CDH18: variants seen among roughly 807,000 people sequenced by gnomAD.
CDH18 encodes cadherin 18.
CDH18 carries 31 observed loss-of-function variants against 67.9 expected under a neutral mutation model. That is an observed-to-expected ratio of 0.46 (90% confidence interval 0.34 to 0.62). The LOEUF (loss-of-function observed/expected upper bound fraction) is 0.62, where lower values mean the gene tolerates loss of function less well. CDH18 is among the 20% of genes least tolerant of loss of function. The pLI is 0.01. For missense variants in CDH18, 890 were observed against 975.5 expected, an observed-to-expected ratio of 0.91 and a Z score of 1.17; for synonymous variants, 362 against 347.2, an observed-to-expected ratio of 1.04 and a Z score of -0.48.
chr5:19,628,947 G>A (rs2121488), intron 5 of CDH18, among the ~76,000 whole-genome samples: 85,634 of 151,564 alleles, frequency 0.57, 27,013 homozygotes, highest in South Asian at 0.75. Context: ...CTAAGAGGGT[G>A]TGGCATTCTA....
At chr5:19,575,564 G>A (rs1742181501) in intron 7 of CDH18, among the ~76,000 whole-genome samples, 1 of 152,176 alleles carries the variant, frequency 6.6e-6, no homozygotes, top group Non-Finnish European at 1.5e-5. Flanking sequence ...CATTTGCAAT[G>A]TGTTTTGTTT....
intron 2 of CDH18, among the ~76,000 whole-genome samples, chr5:20,142,473 G>T (rs903931887): frequency 1.3e-5 from 2 of 151,822 alleles, no homozygotes; most frequent in East Asian, 1.9e-4. Flanking sequence ...TCAACTATTT[G>T]GGTGGCAGAG....
At chr5:20,017,756 A>G (rs574963372) in intron 2 of CDH18, among the ~76,000 whole-genome samples, 1 of 152,190 alleles carries the variant, frequency 6.6e-6, no homozygotes, top group Non-Finnish European at 1.5e-5. Flanking sequence ...TATAATGTAA[A>G]TCAGAAAAAA....
intron 2 of CDH18, among the ~76,000 whole-genome samples, chr5:19,880,379 A>C (rs1002659177): frequency 6.6e-6 from 1 of 152,140 alleles, no homozygotes; most frequent in African/African-American, 2.4e-5. Context: ...GAGTAATTTT[A>C]AACAAGAAGA....
intron 2 of CDH18, among the ~76,000 whole-genome samples, chr5:19,953,548 T>C (rs1795994794): frequency 6.6e-6 from 1 of 151,994 alleles, no homozygotes; most frequent in African/African-American, 2.4e-5. Context: ...AAAAATAAAA[T>C]GATTAGAGTT....
chr5:20,565,756 T>TAA (rs541394969), intron 1 of CDH18, among the ~76,000 whole-genome samples: 15,297 of 142,352 alleles, frequency 0.11, 1,193 homozygotes, highest in African/African-American at 0.22. Flanking sequence ...TACGTTATGA[T>TAA]AAAAAAAAAA....
chr5:20,334,917 A>G (rs137873446), intron 1 of CDH18, among the ~76,000 whole-genome samples: 24 of 152,244 alleles, frequency 1.6e-4, no homozygotes, highest in Admixed American at 4.6e-4. Context: ...TGTCTCCAAA[A>G]CACAGTGAAA....
intron 2 of CDH18, among the ~76,000 whole-genome samples, chr5:20,002,658 T>C (rs79093578): frequency 0.015 from 2,321 of 152,256 alleles, 61 homozygotes; most frequent in African/African-American, 0.053. Context: ...ACAACAAGGA[T>C]GAGAACACAT....
chr5:20,270,792 A>G (rs1283179696), intron 1 of CDH18, among the ~76,000 whole-genome samples: 1 of 141,794 alleles, frequency 7.1e-6, no homozygotes, highest in Admixed American at 7.3e-5. Flanking sequence ...GACATGGAAT[A>G]CTACACAACC....
chr5:20,169,756 T>A (rs1457518615), intron 2 of CDH18, among the ~76,000 whole-genome samples: 1 of 152,126 alleles, frequency 6.6e-6, no homozygotes, highest in Non-Finnish European at 1.5e-5. Flanking sequence ...AAATAAATAA[T>A]TCCTGATTTA....
chr5:20,080,535 G>A (rs1310938679), intron 2 of CDH18, among the ~76,000 whole-genome samples: 1 of 152,072 alleles, frequency 6.6e-6, no homozygotes, highest in Non-Finnish European at 1.5e-5. Context: ...CCTAACTCAG[G>A]TTATTAATAC....
At chr5:19,939,532 T>A (rs552095352) in intron 2 of CDH18, among the ~76,000 whole-genome samples, 1 of 151,862 alleles carries the variant, frequency 6.6e-6, no homozygotes, top group East Asian at 1.9e-4. Context: ...TTTATTGTAC[T>A]TAAGTAGATT....
intron 2 of CDH18, among the ~76,000 whole-genome samples, chr5:20,172,221 T>TATATATACACAC (rs1554098770): frequency 7.7e-5 from 6 of 78,332 alleles, no homozygotes; most frequent in African/African-American, 2.8e-4. Context: ...TATATATATA[T>TATATATACACAC]ATGTATATAT....
chr5:20,512,916 A>T (rs1051185727), intron 1 of CDH18, among the ~76,000 whole-genome samples: 3 of 150,754 alleles, frequency 2.0e-5, no homozygotes, highest in Non-Finnish European at 2.9e-5. Flanking sequence ...CTCAGCTCTG[A>T]TGCTTGTCCT....
chr5:19,657,166 A>T (rs1475998707), intron 5 of CDH18, among the ~76,000 whole-genome samples: 1 of 152,118 alleles, frequency 6.6e-6, no homozygotes, highest in East Asian at 1.9e-4. Context: ...TGTGTCATCA[A>T]TTACAGTTTG....
intron 5 of CDH18, among the ~76,000 whole-genome samples, chr5:19,686,832 TAAA>T (rs1413237561): frequency 1.3e-5 from 2 of 151,742 alleles, no homozygotes; most frequent in South Asian, 4.2e-4. Flanking sequence ...CAAAAAAAAA[TAAA>T]AAATTATTAT....
chr5:20,297,671 C>A (rs537385640), intron 1 of CDH18, among the ~76,000 whole-genome samples: 1 of 152,190 alleles, frequency 6.6e-6, no homozygotes, highest in South Asian at 2.1e-4. Context: ...TAACTAGTGC[C>A]AAATGTCACT....
chr5:19,933,446 C>T (rs1388217322), intron 2 of CDH18, among the ~76,000 whole-genome samples: 2 of 151,462 alleles, frequency 1.3e-5, no homozygotes, highest in African/African-American at 4.8e-5. Flanking sequence ...CATATTTTTA[C>T]CAGTATATGA....
At chr5:19,513,944 C>T (rs1745518770) in intron 10 of CDH18, among the ~76,000 whole-genome samples, 1 of 151,994 alleles carries the variant, frequency 6.6e-6, no homozygotes, top group Non-Finnish European at 1.5e-5. Flanking sequence ...CTTGCTGCAC[C>T]CATTAATTCG....
Sources: gnomAD v4.1 joint callset for allele counts (sites outside exome capture counted in the v4.1 genomes callset) on GRCh38, gnomAD v4.1.1 for gene constraint, MANE v1.5 for transcripts, NCBI Gene and HGNC (gene_info 2026-07-23, HGNC 2026-07-21) for gene names.